Variants in PCBP3 observed in about 807,000 individuals in gnomAD.
PCBP3 encodes the protein poly(rC)-binding protein 3.
PCBP3 carries 25 observed loss-of-function variants against 52.7 expected under a neutral mutation model. The observed-to-expected ratio is 0.47, with a 90% CI of 0.35 to 0.66. The LOEUF is 0.66. PCBP3 is among the 30% of genes least tolerant of loss of function. The probability of loss-of-function intolerance (pLI) is 0.01; values close to 1 mark genes in which losing one functional copy is unlikely to be tolerated. For missense variants in PCBP3, 391 were observed against 490.3 expected (o/e 0.80, Z 1.91); for synonymous variants, 162 against 183.0 (o/e 0.89, Z 0.93).
chr21:45,793,610 T>G (rs2091753422), intron 4 of PCBP3, among the ~76,000 whole-genome samples: 1 of 152,096 alleles, frequency 6.6e-6, no homozygotes, highest in Non-Finnish European at 1.5e-5. Flanking sequence ...AAAACATGGC[T>G]GCCAGGACCT....
chr21:45,723,355 T>C (rs2084802286), intron 2 of PCBP3, among the ~76,000 whole-genome samples: 1 of 152,198 alleles, frequency 6.6e-6, no homozygotes. Context: ...GCAGATATAT[T>C]TTAGGCAACT....
At chr21:45,798,099 A>G (rs1427352452) in intron 4 of PCBP3, among the ~76,000 whole-genome samples, 3 of 146,452 alleles carry the variant, frequency 2.0e-5, no homozygotes, top group African/African-American at 7.7e-5. Flanking sequence ...CCTTAGAGAG[A>G]GTGAATACGT....
intron 4 of PCBP3, among the ~76,000 whole-genome samples, chr21:45,776,740 G>T (rs2090292938): frequency 6.6e-6 from 1 of 151,742 alleles, no homozygotes; most frequent in South Asian, 2.1e-4. Flanking sequence ...TTTAATTTCG[G>T]TTCATATGTG....
chr21:45,862,321 A>G (rs1164588944), intron 5 of PCBP3, among the ~76,000 whole-genome samples: 4 of 152,206 alleles, frequency 2.6e-5, no homozygotes, highest in African/African-American at 9.7e-5. Flanking sequence ...AAATGCACAA[A>G]ATGCAATACC....
At chr21:45,663,234 C>T (rs554855203) in intron 1 of PCBP3, among the ~76,000 whole-genome samples, 21 of 152,232 alleles carry the variant, frequency 1.4e-4, no homozygotes, top group Admixed American at 5.2e-4. Context: ...AACACGTGAC[C>T]CACGTGACCT....
intron 17 of PCBP3, 114 bp from the exon 18 acceptor site, chr21:45,941,556 C>G (rs1450993693): frequency 1.1e-6 from 1 of 889,920 alleles, no homozygotes; most frequent in Non-Finnish European, 1.7e-6. Context: ...CTGAGCTGAC[C>G]GGGATGGCCT....
intron 13 of PCBP3, among the ~76,000 whole-genome samples, chr21:45,923,314 G>C (rs2074732629): frequency 6.6e-6 from 1 of 152,198 alleles, no homozygotes; most frequent in African/African-American, 2.4e-5. Flanking sequence ...CTGAAGCCTG[G>C]CACCTTCCAA....
intron 2 of PCBP3, among the ~76,000 whole-genome samples, chr21:45,686,793 G>A (rs1720009351): frequency 6.6e-6 from 1 of 152,096 alleles, no homozygotes; most frequent in South Asian, 2.1e-4. Flanking sequence ...CAGCTGATTA[G>A]ATGTGTAGAA....
chr21:45,815,226 ATGAGTGG>A (rs2092868156), intron 4 of PCBP3, among the ~76,000 whole-genome samples: 1 of 12,426 alleles, frequency 8.0e-5, no homozygotes. Context: ...GTGGTGAGTG[ATGAGTGG>A]TGAGTGATGA....
chr21:45,832,265 C>T (rs193286408), intron 4 of PCBP3, among the ~76,000 whole-genome samples: 5 of 152,288 alleles, frequency 3.3e-5, no homozygotes, highest in East Asian at 1.9e-4. Context: ...GCAGTGAGGA[C>T]GACCAGAGGT....
intron 9 of PCBP3, among the ~76,000 whole-genome samples, chr21:45,908,291 T>G (rs967318009): frequency 2.0e-5 from 3 of 152,078 alleles, no homozygotes; most frequent in African/African-American, 7.2e-5. Context: ...GAATTTAGTG[T>G]CCGTGCCTGT....
At chr21:45,717,899 G>A (rs2084335021) in intron 2 of PCBP3, among the ~76,000 whole-genome samples, 1 of 152,112 alleles carries the variant, frequency 6.6e-6, no homozygotes, top group Admixed American at 6.5e-5. Context: ...AGTTTGTGAG[G>A]GGTTGTTGTT....
intron 3 of PCBP3, among the ~76,000 whole-genome samples, chr21:45,739,042 C>T (rs2086138153): frequency 7.6e-6 from 1 of 131,020 alleles, no homozygotes; most frequent in Non-Finnish European, 1.6e-5. Context: ...ATCAGCCCAC[C>T]CCTTCCTGTC....
chr21:45,925,970 G>A (rs950800054), intron 13 of PCBP3, among the ~76,000 whole-genome samples: 5 of 152,170 alleles, frequency 3.3e-5, no homozygotes, highest in African/African-American at 7.2e-5. Context: ...TACCTCGAAC[G>A]TTACACCTGC....
chr21:45,699,351 C>T lies in PCBP3; in HGVS notation c.-200+30399C>T, dbSNP rs114034272. Among the ~76,000 whole-genome samples the T allele has an allele frequency of 2.3e-3, 350 of 152,176 alleles. 2 individuals are homozygous for T. The highest frequency in any genetic ancestry group is 7.7e-3 in the African/African-American group (321 of 41,510). On this transcript the variant is annotated intron_variant, in intron 2 of 17. Transcript: ENST00000681687. ...CGATTGATTCTTGAATAGCAGGAGA[C>T]GATGGAGATTAGAAGATAAGCCAGA...
intron 4 of PCBP3, among the ~76,000 whole-genome samples, chr21:45,841,906 G>C (rs1026660386): frequency 1.3e-5 from 2 of 152,212 alleles, no homozygotes; most frequent in African/African-American, 2.4e-5. Context: ...CCCTGACTCT[G>C]TTGTCTAGAG....
chr21:45,876,083 T>C (rs1449878332), intron 5 of PCBP3, among the ~76,000 whole-genome samples: 2 of 152,052 alleles, frequency 1.3e-5, no homozygotes, highest in African/African-American at 4.8e-5. Context: ...CCACTAAGAC[T>C]AGAGGGCCCG....
intron 9 of PCBP3, among the ~76,000 whole-genome samples, chr21:45,908,750 C>G (rs998889747): frequency 4.6e-5 from 7 of 152,198 alleles, no homozygotes; most frequent in Non-Finnish European, 8.8e-5. Flanking sequence ...GGGTTGCCAG[C>G]CTGAACCCAA....
rs755850116 is a variant in PCBP3, at chr21:45,837,536, G to A, written c.-125-12425G>A. 1.3e-5 allele frequency among the ~76,000 whole-genome samples: 2 copies of A among 152,194 alleles called. No individual in the cohort carries two copies. Among genetic ancestry groups the A allele is most frequent in the Admixed American group, 6.5e-5 (1 of 15,288 alleles). ...CTCCTGCGGGCGGTTTCATGTCGAA[G>A]GCCTACCTGTAGCCCTGGGTTGTCT... On this transcript the variant is annotated intron_variant, in intron 4 of 17. Coordinates refer to ENST00000681687, the MANE Select transcript of PCBP3 (RefSeq NM_001384156.1). This position sits in a 1 kb window ranked among gnomAD's most constrained non-coding sequence, Gnocchi z 4.1.
Sources: allele counts gnomAD v4.1 joint callset (sites outside exome capture counted in the v4.1 genomes callset), GRCh38; gene constraint gnomAD v4.1.1; non-coding constraint Gnocchi (gnomAD v3.1); transcripts MANE v1.5; gene names NCBI Gene and HGNC (gene_info 2026-07-23, HGNC 2026-07-21).